The following NKIRAS1 variants were observed in gnomAD, a reference collection of about 807,000 sequenced individuals.
NKIRAS1 encodes NF-kappa-B inhibitor-interacting Ras-like protein 1.
Under a neutral mutation model 19.8 loss-of-function variants are expected in NKIRAS1, and 16 were observed. The ratio of observed to expected loss-of-function variants is 0.81; its 90% CI spans 0.55 to 1.23. The LOEUF (loss-of-function observed/expected upper bound fraction) is 1.23. Among genes scored for constraint, NKIRAS1 ranks in the 50% most tolerant of loss-of-function variants. NKIRAS1 has a pLI of 0.00. For synonymous variants in NKIRAS1, 88 were observed against 79.0 expected (o/e 1.11, Z -0.61); for missense variants, 184 against 220.0 (o/e 0.84, Z 1.04).
intron 1 of NKIRAS1, among the ~76,000 whole-genome samples, chr3:23,942,906 C>T (rs1339901529): frequency 2.0e-5 from 3 of 152,114 alleles, no homozygotes; most frequent in Non-Finnish European, 2.9e-5. Context: ...CACCACCAAA[C>T]CCGGCTAATT....
chr3:23,927,097 C>T lies in NKIRAS1; in HGVS notation c.-139-15647G>A, dbSNP rs1705225723. Among the ~76,000 whole-genome samples, 3 of 152,188 alleles carry T rather than the reference C, an allele frequency of 2.0e-5. No individual in the cohort carries two copies. The highest frequency in any genetic ancestry group is 4.8e-5 in the African/African-American group (2 of 41,456). Reference sequence around the variant, plus strand: ...AGCTTCTCCATCGATTTTAGTTATTCTTATTAATGATGCAGTGAACATCAT... The same window carrying T: ...AGCTTCTCCATCGATTTTAGTTATTTTTATTAATGATGCAGTGAACATCAT... On this transcript the variant is annotated intron_variant, in intron 1 of 4. Transcript: ENST00000421515. This position sits in a 1 kb window ranked among gnomAD's most constrained non-coding sequence, Gnocchi z 4.0.
At chr3:23,945,781 G>C (rs1185388521) in intron 1 of NKIRAS1, among the ~76,000 whole-genome samples, 1 of 150,340 alleles carries the variant, frequency 6.7e-6, no homozygotes, top group African/African-American at 2.4e-5. Flanking sequence ...CCGCCCTCTT[G>C]TCTCCCTGCA....
intron 1 of NKIRAS1, among the ~76,000 whole-genome samples, chr3:23,943,731 C>G (rs986381893): frequency 6.6e-6 from 1 of 152,202 alleles, no homozygotes; most frequent in Non-Finnish European, 1.5e-5. Context: ...ACTCTTCCAT[C>G]AGCATCACAT....
chr3:23,940,099 G>A (rs1188991877), intron 1 of NKIRAS1, among the ~76,000 whole-genome samples: 1 of 149,954 alleles, frequency 6.7e-6, no homozygotes, highest in Non-Finnish European at 1.5e-5. Context: ...GGGAGGCTGA[G>A]GTGGGAGGAC....
intron 3 of NKIRAS1, among the ~76,000 whole-genome samples, chr3:23,907,976 G>C (rs1213576749): frequency 3.3e-5 from 5 of 152,116 alleles, no homozygotes; most frequent in Non-Finnish European, 7.4e-5. Flanking sequence ...TTCTCAAAAA[G>C]TAATAAAGGA....
At chr3:23,901,290 C>T (rs1408663519) in intron 3 of NKIRAS1, among the ~76,000 whole-genome samples, 2 of 151,788 alleles carry the variant, frequency 1.3e-5, no homozygotes, top group African/African-American at 2.4e-5. Context: ...GGGATCCTCC[C>T]ACCTCAGCCT....
chr3:23,910,178 G>C lies in NKIRAS1; in HGVS notation c.94+633C>G, dbSNP rs1411590158. Among the ~76,000 whole-genome samples, 247 of 107,834 alleles carry C rather than the reference G, an allele frequency of 2.3e-3. 1 individual carries two copies. Among genetic ancestry groups the C allele is most frequent in the African/African-American group, 9.0e-3 (235 of 26,038 alleles). The allele number at this position is 107,834 out of a possible 152,430, so 70.7% of individuals were successfully genotyped here. A position where few individuals can be genotyped will look rare whatever the true frequency, so the allele number is the denominator to read the frequency against. On this transcript the variant is annotated intron_variant, in intron 3 of 4. Transcript: ENST00000425478. ...GGCCTTTTTTTTTTTTTTTTTTTGAGACAGAGTCTCGCTCTGTAGCCCAGG... is the reference window on the plus strand; with the variant it reads ...GGCCTTTTTTTTTTTTTTTTTTTGACACAGAGTCTCGCTCTGTAGCCCAGG...
At chr3:23,918,755 C>T (rs948914646), upstream of NKIRAS1, 54 of 729,616 alleles carry the variant, frequency 7.4e-5, no homozygotes, top group African/African-American at 8.9e-4. Context: ...GTTACAAATG[C>T]GTGTGTATAT....
At chr3:23,897,195 T>C (rs1431915716) in intron 4 of NKIRAS1, among the ~76,000 whole-genome samples, 1 of 151,794 alleles carries the variant, frequency 6.6e-6, no homozygotes, top group Non-Finnish European at 1.5e-5. Flanking sequence ...AGCAAGACCC[T>C]GTCTGAAATA....
chr3:23,929,074 G>GT (rs1047581739), intron 1 of NKIRAS1, among the ~76,000 whole-genome samples: 1 of 151,352 alleles, frequency 6.6e-6, no homozygotes, highest in Non-Finnish European at 1.5e-5. Flanking sequence ...TAAAAACCAT[G>GT]TTTTGTGCCA....
At chr3:23,896,439 A>G (rs1702002049) in intron 4 of NKIRAS1, among the ~76,000 whole-genome samples, 1 of 151,784 alleles carries the variant, frequency 6.6e-6, no homozygotes, top group Admixed American at 6.6e-5. Context: ...ACATGGTGAA[A>G]CCCTGTCGTC....
At chr3:23,940,194 G>A (rs7647644) in intron 1 of NKIRAS1, among the ~76,000 whole-genome samples, 87,119 of 135,216 alleles carry the variant, frequency 0.64, 28,063 homozygotes, top group Middle Eastern at 0.73. Context: ...AAAAAAAAGA[G>A]AAATTACTGG....
intron 4 of NKIRAS1, among the ~76,000 whole-genome samples, chr3:23,894,773 G>A (rs890868643): frequency 1.3e-5 from 2 of 151,978 alleles, no homozygotes; most frequent in Non-Finnish European, 2.9e-5. Context: ...ACCTCCAATG[G>A]TGTCCTTCTC....
chr3:23,896,586 G>A (rs777373602), intron 4 of NKIRAS1, among the ~76,000 whole-genome samples: 2 of 151,774 alleles, frequency 1.3e-5, no homozygotes, highest in African/African-American at 2.4e-5. Flanking sequence ...GCACTCTAGC[G>A]TGGGCAATAG....
At chr3:23,893,680 G>A (rs1575055781) in intron 4 of NKIRAS1, among the ~76,000 whole-genome samples, 3 of 151,644 alleles carry the variant, frequency 2.0e-5, no homozygotes, top group African/African-American at 4.9e-5. Context: ...AGTGGTGTGC[G>A]CCTGTACTTG....
rs575989829 is a variant in NKIRAS1 at position 23,927,014 on chromosome 3, A to G, written c.-139-15564T>C. Among the ~76,000 whole-genome samples, 128 of 152,042 alleles carry G rather than the reference A, an allele frequency of 8.4e-4. No individual in the cohort carries two copies. Among genetic ancestry groups the G allele is most frequent in the Non-Finnish European group, 1.5e-3 (101 of 67,980 alleles). ...ATGTCGCAGTTTTTAACCAAGCAACACTCTCCACAGCCCCAACATCATTCC... is the reference window on the plus strand; with the variant it reads ...ATGTCGCAGTTTTTAACCAAGCAACGCTCTCCACAGCCCCAACATCATTCC... On this transcript the variant is annotated intron_variant, in intron 1 of 4. Coordinates refer to the NKIRAS1 transcript ENST00000421515. The surrounding 1 kb of genome is among the most constrained non-coding windows in gnomAD (Gnocchi z 4.0).
In NKIRAS1 at chr3:23,910,836, C is replaced by T. The variant is rs777729200; in HGVS notation, c.69G>A (p.Gln23=). 1.9e-6 allele frequency: 3 copies of T among 1,613,644 alleles called. No individual in the cohort carries two copies. The East Asian group carries it at 6.7e-5, about 36-fold the overall frequency. The change falls in exon 3 of 5, where the codon CAG becomes CAA. Residue 23 remains glutamine, a synonymous_variant. Coordinates refer to ENST00000425478, the MANE Select transcript of NKIRAS1 (RefSeq NM_020345.4). ...CAATAGTATGATTTCCATAAAGGAG[C>T]TGCTCCAAAATTGCAGTTTTCCCCA... The part of the protein sequence containing the change: ...LSVGKTAILE[Q]LLYGNHTIGM...
intron 1 of NKIRAS1, among the ~76,000 whole-genome samples, chr3:23,936,548 T>C (rs561360354): frequency 6.6e-6 from 1 of 152,176 alleles, no homozygotes; most frequent in East Asian, 1.9e-4. Flanking sequence ...AACTGCTTTT[T>C]CTTTTTTTTT....
At chr3:23,912,395 C>G in intron 1 of NKIRAS1, among the ~76,000 whole-genome samples, 1 of 152,162 alleles carries the variant, frequency 6.6e-6, no homozygotes, top group Admixed American at 6.5e-5. Flanking sequence ...TGAACAGACA[C>G]TTCTCAAAAG....
Sources: allele counts gnomAD v4.1 joint callset (sites outside exome capture counted in the v4.1 genomes callset), GRCh38; gene constraint gnomAD v4.1.1; non-coding constraint Gnocchi (gnomAD v3.1); transcripts MANE v1.5; gene names NCBI Gene and HGNC (gene_info 2026-07-23, HGNC 2026-07-21).